Variants in COL6A1 observed in about 807,000 individuals in gnomAD.
The protein encoded by COL6A1 is collagen type VI alpha 1 chain.
Under a neutral mutation model 145.6 loss-of-function variants are expected in COL6A1, and 80 were observed. That is an observed-to-expected ratio of 0.55 (90% CI 0.46 to 0.66). The LOEUF (loss-of-function observed/expected upper bound fraction) is 0.66. Among genes scored for constraint, COL6A1 ranks in the 30% least tolerant of loss-of-function variants. The pLI, the probability that COL6A1 is intolerant of heterozygous loss-of-function variation, is 0.00. For synonymous variants in COL6A1, 638 were observed against 622.8 expected, an observed-to-expected ratio of 1.02 and a Z score of -0.36; for missense variants, 1,364 against 1,473.8, an observed-to-expected ratio of 0.93 and a Z score of 1.22.
chr21:45,991,867 G>A (rs2077778673), intron 15 of COL6A1, 143 bp from the exon 16 acceptor site: 1 of 778,392 alleles, frequency 1.3e-6, no homozygotes, highest in African/African-American at 1.7e-5. Flanking sequence ...ATGGCTGAGG[G>A]TGCTGGGGGG....
rs2077838399 is a variant in COL6A1, at chr21:46,000,638, G to GGCA, written c.1814-120_1814-119insCAG. 1.8e-5 allele frequency: 18 copies of GGCA among 1,021,898 alleles called. No homozygotes were observed. In the Admixed American group the frequency reaches 3.8e-4, roughly 21 times the overall value. The allele number at this position is 1,021,898 out of a possible 1,614,324, so 63.3% of individuals were successfully genotyped here. ...GGCGGGGCAGGAGGCCGGGGAAGGG[G>GGCA]GGAGGCCGGGGAAGGAGGGCGGCCG... On this transcript the variant is annotated intron_variant, in intron 28 of 34. Transcript: ENST00000361866.
intron 15 of COL6A1, 40 bp from the exon 16 acceptor site, chr21:45,991,970 C>A: frequency 6.4e-7 from 1 of 1,551,260 alleles, no homozygotes; most frequent in African/African-American, 1.4e-5. Flanking sequence ...CCCTGGTGCA[C>A]ACCCCTGCCA....
In COL6A1 at chr21:45,982,777, C is replaced by T. The variant is rs2077715458; in HGVS notation, c.227+14C>T. 6.2e-7 allele frequency: 1 copy of T among 1,611,294 alleles called. No homozygotes were observed. The highest frequency in any genetic ancestry group is 8.5e-7 in the Non-Finnish European group (1 of 1,179,878). On this transcript the variant is annotated intron_variant, in intron 2 of 34. Coordinates refer to ENST00000361866, the MANE Select transcript of COL6A1 (RefSeq NM_001848.3). ...CCTGAGGGACAGGTAGGAGGGACGCCCCGTGACCTTCCTCCTGTGCTTCTG... is the reference window on the plus strand; with the variant it reads ...CCTGAGGGACAGGTAGGAGGGACGCTCCGTGACCTTCCTCCTGTGCTTCTG...
At chr21:46,000,216 C>G (rs2123487013) in intron 27 of COL6A1, 115 bp from the exon 28 acceptor site, 1 of 1,227,764 alleles carries the variant, frequency 8.1e-7, no homozygotes, top group Non-Finnish European at 1.2e-6. Context: ...GAACCTCCTG[C>G]CCAAACCCCG....
chr21:46,003,140 A>G lies in COL6A1; in HGVS notation c.2455A>G (p.Thr819Ala), dbSNP rs765325882. The G allele has an allele frequency of 6.2e-7, 1 of 1,613,874 alleles. No homozygotes were observed. The highest frequency in any genetic ancestry group is 1.7e-5 in the Admixed American group (1 of 60,020). ...ICIDKKCPDY[T>A]CPITFSSPAD... is the part of the protein sequence containing the mutation. ...TACAGACAAGAAGTGTCCAGATTAC[A>G]CCTGCCCCAGTGAGTACCTCGGCGG... is the stretch of plus-strand genomic sequence containing the variant. The change falls in exon 34 of 35, where the codon ACC becomes GCC. Residue 819 changes from threonine (T) to alanine (A), a missense_variant. Physicochemically the swap from Thr to Ala is moderately conservative, Grantham distance 58. Around this residue, in one of 3 missense-constraint regions of COL6A1, gnomAD observed 938 missense variants for 1,003.8 expected, o/e 0.93. Transcript: ENST00000361866.
intron 8 of COL6A1, among the ~76,000 whole-genome samples, 180 bp downstream of exon 8, chr21:45,987,834 T>C (rs13047685): frequency 0.6 from 1,554 of 2,592 alleles, 509 homozygotes; most frequent in African/African-American, 0.67. Context: ...ATGGAGGGGA[T>C]GGCGGGGTCC....
At chr21:45,997,625 C>CCCTCCTGGGGCCGGGAGAGGT in intron 21 of COL6A1, 75 bp from the exon 22 acceptor site, 1 of 1,546,838 alleles carries the variant, frequency 6.5e-7, no homozygotes, top group Non-Finnish European at 8.8e-7. Flanking sequence ...CCTCTCCCGG[C>CCCTCCTGGGGCCGGGAGAGGT]CCCAGGAGGG....
chr21:46,004,786 C>A lies in COL6A1; in HGVS notation c.*773C>A. ...CAGGGGCGCTGGCTGCACTCAAGACCCTCGAGATTAACGGTGCTAACCCCG... is the reference window on the plus strand; with the variant it reads ...CAGGGGCGCTGGCTGCACTCAAGACACTCGAGATTAACGGTGCTAACCCCG... On this transcript the variant is annotated 3_prime_UTR_variant, in exon 35 of 35. Transcript: ENST00000361866. The A allele has an allele frequency of 2.4e-6, 1 of 409,202 alleles. No homozygotes were observed. The allele number at this position is 409,202 out of a possible 1,614,324, so 25.3% of individuals were successfully genotyped here. A position where few individuals can be genotyped will look rare whatever the true frequency, so the allele number is the denominator to read the frequency against.
In COL6A1 at chr21:46,003,479, C is replaced by T. The variant is rs370632963; in HGVS notation, c.2553C>T (p.Phe851=). 117 of 1,609,404 alleles carry T rather than the reference C, an allele frequency of 7.3e-5. No individual in the cohort carries two copies. The highest frequency in any genetic ancestry group is 2.7e-4 in the East Asian group (12 of 44,878). The change falls in exon 35 of 35, where the codon TTC becomes TTT. Residue 851 remains phenylalanine, a synonymous_variant. Transcript: ENST00000361866. ...GSHNFDTTKR[F]AKRLAERFLT... is the part of the protein sequence containing the mutation. ...ACAACTTTGACACCACCAAGCGCTT[C>T]GCCAAGCGCCTGGCCGAGCGCTTCC...
In COL6A1 at chr21:46,000,786, C is replaced by A; in HGVS notation, c.1822+19C>A. 6.2e-7 allele frequency: 1 copy of A among 1,613,832 alleles called. No individual in the cohort carries two copies. The highest frequency in any genetic ancestry group is 2.2e-5 in the East Asian group (1 of 44,866). ...TGCTGTGGTGAGACCCAGGCTCTAG[C>A]TCCTGAGAGAATGGATCCCGGGGGT... On this transcript the variant is annotated intron_variant, in intron 29 of 34. Transcript: ENST00000361866.
Position 45,998,444 on chromosome 21 carries a change from C to T in COL6A1, c.1611+11C>T, listed in dbSNP as rs2077819420. 6.2e-7 allele frequency: 1 copy of T among 1,613,258 alleles called. No homozygotes were observed. On this transcript the variant is annotated intron_variant, in intron 24 of 34. Transcript: ENST00000361866. ...GCTCCCGGGATAAACGTGAGTACGC[C>T]CCCTCCTCCATCTGGCTGTGGGCAC...
chr21:46,000,468 C>A (rs936110591), intron 28 of COL6A1, 101 bp downstream of exon 28: 6 of 1,412,506 alleles, frequency 4.2e-6, no homozygotes, highest in Non-Finnish European at 6.0e-6. Context: ...GGGCCTGGGT[C>A]TCTGGGTACA....
At chr21:45,996,882 G>T (rs773693108) in intron 20 of COL6A1, among the ~76,000 whole-genome samples, 5 of 152,216 alleles carry the variant, frequency 3.3e-5, no homozygotes, top group Admixed American at 6.5e-5. Flanking sequence ...AGGTGCAGGT[G>T]GGGGCAGGGT....
Position 46,003,129 on chromosome 21 carries a change from G to T in COL6A1, c.2444G>T (p.Cys815Phe), listed in dbSNP as rs536370523. 2.5e-6 allele frequency: 4 copies of T among 1,614,102 alleles called. No individual in the cohort carries two copies. In the Admixed American group the frequency reaches 5.0e-5, roughly 20 times the overall value. Residue 815 changes from cysteine to phenylalanine, a missense_variant, in exon 34 of 35, where the codon TGT becomes TTT. This residue lies in a region of COL6A1 where 938 missense variants were observed against 1,003.8 expected (regional missense o/e 0.93). Transcript: ENST00000361866. The stretch of plus-strand genomic sequence containing the variant: ...CTTTTCTCTTTTACAGACAAGAAGT[G>T]TCCAGATTACACCTGCCCCAGTGAG... Reference protein sequence around the residue: ...VTAQICIDKKCPDYTCPITFS... With the variant: ...VTAQICIDKKFPDYTCPITFS...
At position 45,999,923 on chromosome 21, in the gene COL6A1, ATGTGAGGATCATGGGGGGGACG is replaced by A. The variant is rs1270456122; in HGVS notation, c.1776+247_1776+268del. Among the ~76,000 whole-genome samples, 84 of 39,732 alleles carry A rather than the reference ATGTGAGGATCATGGGGGGGACG, an allele frequency of 2.1e-3. 2 individuals are homozygous for A. Among genetic ancestry groups the A allele is most frequent in the Non-Finnish European group, 2.3e-3 (45 of 19,490 alleles). 26.1% of individuals were successfully genotyped at this position (39,732 alleles called of 152,430 possible). A position where few individuals can be genotyped will look rare whatever the true frequency, so the allele number is the denominator to read the frequency against. On this transcript the variant is annotated intron_variant, in intron 27 of 34. Coordinates refer to ENST00000361866, the MANE Select transcript of COL6A1 (RefSeq NM_001848.3). ...GGGACATGTGAGGATCATGGGGGAC[ATGTGAGGATCATGGGGGGGACG>A]TGTGAGGATCATGGGAGGACGTGAG...
intron 20 of COL6A1, among the ~76,000 whole-genome samples, 177 bp from the exon 21 acceptor site, chr21:45,997,242 TCG>T: frequency 1.5e-5 from 1 of 65,694 alleles, no homozygotes; most frequent in South Asian, 5.7e-4. Context: ...CCCAGGCCCT[TCG>T]TGCAGGCCCT....
rs549445013 is a variant in COL6A1, at chr21:45,991,672, CTCATCT to C, written c.1120-334_1120-329del. Reference sequence around the variant, plus strand: ...AGAACCCAGCAGACGGTTTCCAAATCTCATCTTCAAGTTCCCAGATTACCCTCCAGG... The same window carrying C: ...AGAACCCAGCAGACGGTTTCCAAATCTCAAGTTCCCAGATTACCCTCCAGG... On this transcript the variant is annotated intron_variant, in intron 15 of 34. Coordinates refer to ENST00000361866, the MANE Select transcript of COL6A1 (RefSeq NM_001848.3). 1.1e-4 allele frequency among the ~76,000 whole-genome samples: 17 copies of C among 152,306 alleles called. No homozygotes were observed. In the East Asian group the frequency reaches 3.3e-3, roughly 29 times the overall value.
rs752217937 is a variant in COL6A1, at chr21:45,989,658, TG to T, written c.903+7del. The T allele has an allele frequency of 5.6e-6, 9 of 1,613,124 alleles. No homozygotes were observed. The highest frequency in any genetic ancestry group is 7.6e-6 in the Non-Finnish European group (9 of 1,179,968). ...TTGGGTACCAGGGAATGAAGGTACG[TG>T]CCCCCCCTTTCCTGGCCCGAGCCCG... On this transcript the variant is annotated splice_region_variant and intron_variant, in intron 10 of 34. Coordinates refer to ENST00000361866, the MANE Select transcript of COL6A1 (RefSeq NM_001848.3).
chr21:46,002,284 G>A lies in COL6A1; in HGVS notation c.2133G>A (p.Arg711=). The stretch of plus-strand genomic sequence containing the variant: ...CGGGGGAGGCCCTGCAGTACACGCG[G>A]GACCAGCTGCTGCCGCCCAGCCCGA... ...TFTGEALQYT[R]DQLLPPSPNN... Residue 711 remains arginine (R), a synonymous_variant, in exon 32 of 35, where the codon CGG becomes CGA. Coordinates refer to ENST00000361866, the MANE Select transcript of COL6A1 (RefSeq NM_001848.3). 1 of 1,596,694 alleles carries A rather than the reference G, an allele frequency of 6.3e-7. No homozygotes were observed. Among genetic ancestry groups the A allele is most frequent in the Non-Finnish European group, 8.5e-7 (1 of 1,174,160 alleles).
Sources: gnomAD v4.1 joint callset for allele counts (sites outside exome capture counted in the v4.1 genomes callset) on GRCh38, gnomAD v4.1.1 for gene constraint, gnomAD v4.1.1 regional missense constraint, MANE v1.5 for transcripts, NCBI Gene and HGNC (gene_info 2026-07-23, HGNC 2026-07-21) for gene names.